GPR158: variants seen among roughly 807,000 people sequenced by gnomAD.
GPR158 encodes G protein-coupled receptor 158.
GPR158 carries 30 observed loss-of-function variants against 78.2 expected under a neutral mutation model. That is an observed-to-expected ratio of 0.38 (90% CI 0.29 to 0.52). GPR158 has a LOEUF of 0.52. GPR158 is among the 20% of genes least tolerant of loss of function. The probability of loss-of-function intolerance (pLI) is 0.83; values close to 1 mark genes in which losing one functional copy is unlikely to be tolerated. For synonymous variants in GPR158, 581 were observed against 591.1 expected (o/e 0.98, Z 0.25); for missense variants, 1,463 against 1,523.5 (o/e 0.96, Z 0.66).
At chr10:25,325,540 C>A (rs1487047100) in intron 2 of GPR158, among the ~76,000 whole-genome samples, 1 of 152,014 alleles carries the variant, frequency 6.6e-6, no homozygotes, top group Non-Finnish European at 1.5e-5. Context: ...TAGGTTGATT[C>A]CATTTATTGG....
chr10:25,501,498 C>T (rs1170455386), intron 5 of GPR158, among the ~76,000 whole-genome samples: 1 of 152,144 alleles, frequency 6.6e-6, no homozygotes, highest in East Asian at 1.9e-4. Flanking sequence ...CTCATGTTTT[C>T]TTTGTGTCTC....
At chr10:25,412,741 C>T (rs1834609793) in intron 4 of GPR158, among the ~76,000 whole-genome samples, 1 of 152,196 alleles carries the variant, frequency 6.6e-6, no homozygotes, top group African/African-American at 2.4e-5. Context: ...CTCTCCTTTA[C>T]ATCATGTCTT....
intron 1 of GPR158, among the ~76,000 whole-genome samples, chr10:25,217,832 T>G (rs1853239298): frequency 6.6e-6 from 1 of 152,146 alleles, no homozygotes. Context: ...CCCAGGTGTT[T>G]AGGGGATCCG....
chr10:25,516,912 T>A (rs1216146785), intron 5 of GPR158, among the ~76,000 whole-genome samples: 3 of 144,064 alleles, frequency 2.1e-5, no homozygotes, highest in Non-Finnish European at 4.5e-5. Flanking sequence ...GTGAAGAAAG[T>A]CATTGGTAGC....
intron 5 of GPR158, among the ~76,000 whole-genome samples, chr10:25,476,384 G>GTTTTTTTTTT (rs56271781): frequency 6.9e-6 from 1 of 144,436 alleles, no homozygotes; most frequent in Non-Finnish European, 1.5e-5. Context: ...TTTAATAAGG[G>GTTTTTTTTTT]TTTTTTTTTT....
At chr10:25,455,901 GAATGATACATTC>G (rs1402838185) in intron 4 of GPR158, among the ~76,000 whole-genome samples, 6 of 152,074 alleles carry the variant, frequency 3.9e-5, no homozygotes, top group Non-Finnish European at 8.8e-5. Flanking sequence ...ACAACTTTAA[GAATGATACATTC>G]AATGTGGACT....
At chr10:25,558,877 C>T (rs1335268154) in intron 6 of GPR158, among the ~76,000 whole-genome samples, 1 of 152,168 alleles carries the variant, frequency 6.6e-6, no homozygotes, top group Admixed American at 6.5e-5. Context: ...CTTCAATCCG[C>T]TTACATTTAT....
intron 1 of GPR158, among the ~76,000 whole-genome samples, chr10:25,189,989 G>A (rs1852752178): frequency 6.6e-6 from 1 of 151,628 alleles, no homozygotes; most frequent in Non-Finnish European, 1.5e-5. Context: ...TTAGCAATCT[G>A]TCATCCTGCG....
At chr10:25,546,296 G>A (rs1297246524) in intron 5 of GPR158, among the ~76,000 whole-genome samples, 2 of 152,010 alleles carry the variant, frequency 1.3e-5, no homozygotes, top group African/African-American at 4.8e-5. Flanking sequence ...CTCCTTTGTG[G>A]TTCTCTTGTT....
intron 2 of GPR158, among the ~76,000 whole-genome samples, chr10:25,232,466 T>G (rs1372164660): frequency 6.6e-6 from 1 of 152,228 alleles, no homozygotes; most frequent in Non-Finnish European, 1.5e-5. Flanking sequence ...GCTACAGCCC[T>G]TGGCTGATTT....
intron 4 of GPR158, among the ~76,000 whole-genome samples, chr10:25,447,957 C>T (rs1027453942): frequency 6.6e-6 from 1 of 152,210 alleles, no homozygotes; most frequent in Non-Finnish European, 1.5e-5. Context: ...CAGTCCCACA[C>T]CTCTCTCCAC....
At chr10:25,334,691 C>T (rs982851129) in intron 2 of GPR158, among the ~76,000 whole-genome samples, 1 of 152,038 alleles carries the variant, frequency 6.6e-6, no homozygotes. Context: ...GTCTATGTGA[C>T]CCAGTTCTCC....
chr10:25,450,473 C>T (rs1835200300), intron 4 of GPR158, among the ~76,000 whole-genome samples: 2 of 150,864 alleles, frequency 1.3e-5, no homozygotes, highest in Non-Finnish European at 2.9e-5. Flanking sequence ...CTTTAATTCC[C>T]TTTTCTGTAG....
chr10:25,582,676 A>T (rs1837218864), intron 7 of GPR158, among the ~76,000 whole-genome samples: 1 of 152,326 alleles, frequency 6.6e-6, no homozygotes, highest in South Asian at 2.1e-4. Flanking sequence ...TTCTGACCCA[A>T]GCTTGACATC....
chr10:25,376,171 T>C (rs1045092620), intron 2 of GPR158, among the ~76,000 whole-genome samples: 2 of 151,594 alleles, frequency 1.3e-5, no homozygotes, highest in Non-Finnish European at 3.0e-5. Context: ...TTTTGGATGA[T>C]TATAAATGGT....
chr10:25,556,006 A>C (rs1368664848), intron 6 of GPR158, among the ~76,000 whole-genome samples: 1 of 152,160 alleles, frequency 6.6e-6, no homozygotes, highest in African/African-American at 2.4e-5. Context: ...AGACATTTAC[A>C]TTTATTTATT....
chr10:25,464,184 G>C (rs1448565838), intron 4 of GPR158, among the ~76,000 whole-genome samples: 1 of 152,180 alleles, frequency 6.6e-6, no homozygotes, highest in African/African-American at 2.4e-5. Flanking sequence ...AAAGGAGACA[G>C]ATTATCTGCT....
chr10:25,386,138 T>C (rs985356842), intron 2 of GPR158, among the ~76,000 whole-genome samples: 2 of 152,182 alleles, frequency 1.3e-5, no homozygotes, highest in African/African-American at 4.8e-5. Flanking sequence ...TTGTATTTGG[T>C]GTTAGGTAAA....
At chr10:25,322,792 G>A (rs1854970424) in intron 2 of GPR158, among the ~76,000 whole-genome samples, 1 of 152,086 alleles carries the variant, frequency 6.6e-6, no homozygotes, top group South Asian at 2.1e-4. Flanking sequence ...AGGGGTCTTG[G>A]GTGACTGTGT....
Sources: allele counts gnomAD v4.1 joint callset (sites outside exome capture counted in the v4.1 genomes callset), GRCh38; gene constraint gnomAD v4.1.1; transcripts MANE v1.5; gene names NCBI Gene and HGNC (gene_info 2026-07-23, HGNC 2026-07-21).